The following ITPR3 variants were observed in gnomAD, a reference collection of about 807,000 sequenced individuals.
The protein encoded by ITPR3 is inositol 1,4,5-trisphosphate receptor type 3, also known as inositol 1,4,5-trisphosphate-gated calcium channel ITPR3.
In ITPR3, 173 loss-of-function variants were observed where a neutral mutation model predicts 293.2. The observed-to-expected ratio is 0.59, with a 90% CI of 0.52 to 0.67. The LOEUF is 0.67. Ranked by LOEUF, ITPR3 falls within the 30% of genes least tolerant of loss-of-function variation. ITPR3 has a pLI of 0.00. For synonymous variants in ITPR3, 1,295 were observed against 1,444.4 expected (o/e 0.90, Z 2.35); for missense variants, 2,796 against 3,592.1 (o/e 0.78, Z 5.66).
In ITPR3 at chr6:33,687,118, GGT is replaced by G. The variant is rs765947911; in HGVS notation, c.6075+16_6075+17del. 119 of 1,612,318 alleles carry G rather than the reference GGT, an allele frequency of 7.4e-5. No homozygotes were observed. The highest frequency in any genetic ancestry group is 9.5e-5 in the Non-Finnish European group (112 of 1,178,846). ...CCCCAGGAGCTGGTGAGGCTGGGCA[GGT>G]GGGCAGGCGGGCGGAACCAGGTGGA... is the stretch of plus-strand genomic sequence containing the variant. On this transcript the variant is annotated intron_variant, in intron 44 of 57. Transcript: ENST00000605930. This position sits in a 1 kb window ranked among gnomAD's most constrained non-coding sequence, Gnocchi z 5.3.
chr6:33,621,543 T>G lies in ITPR3; in HGVS notation c.-60T>G. On this transcript the variant is annotated 5_prime_UTR_variant, in exon 1 of 58. Transcript: ENST00000605930. This position sits in a 1 kb window ranked among gnomAD's most constrained non-coding sequence, Gnocchi z 7.7. ...CCCCGGACGCCTCAGTCCTCCGCAC[T>G]GAGCTTGGCCACGCGCCCCTAGGCG... 2 of 1,312,950 alleles carry G rather than the reference T, an allele frequency of 1.5e-6. No homozygotes were observed. Among genetic ancestry groups the G allele is most frequent in the Non-Finnish European group, 2.2e-6 (2 of 928,992 alleles). 81.3% of individuals were successfully genotyped at this position (1,312,950 alleles called of 1,614,324 possible).
chr6:33,644,389 C>T (rs1209406622), intron 2 of ITPR3, among the ~76,000 whole-genome samples: 1 of 151,292 alleles, frequency 6.6e-6, no homozygotes, highest in East Asian at 2.0e-4. Flanking sequence ...TTCCAAAGTG[C>T]TGGGATTACA....
rs896817197 is a variant in ITPR3 at position 33,691,990 on chromosome 6, G to A, written c.7458+62G>A. 8.1e-6 allele frequency: 13 copies of A among 1,605,592 alleles called. No individual in the cohort carries two copies. The African/African-American group carries it at 1.2e-4, about 15-fold the overall frequency. On this transcript the variant is annotated intron_variant, in intron 54 of 57. Transcript: ENST00000605930. The surrounding 1 kb of genome is among the most constrained non-coding windows in gnomAD (Gnocchi z 4.9). ...CAAGCCACTGTCCAGATCAGCAACT[G>A]TGGAGAGTCCTGTCCTTGGCCTCGC... is the stretch of plus-strand genomic sequence containing the variant.
In ITPR3 at chr6:33,655,921, C is replaced by G; in HGVS notation, c.282+34C>G. On this transcript the variant is annotated intron_variant, in intron 3 of 57. Coordinates refer to ENST00000605930, the MANE Select transcript of ITPR3 (RefSeq NM_002224.4). This position sits in a 1 kb window ranked among gnomAD's most constrained non-coding sequence, Gnocchi z 4.9. Reference sequence around the variant, plus strand: ...GTGTGTGCAGGCGTGCATCTGTGCACATGTACCAGGAACCTGGGTACACAA... The same window carrying G: ...GTGTGTGCAGGCGTGCATCTGTGCAGATGTACCAGGAACCTGGGTACACAA... 5.0e-6 allele frequency: 8 copies of G among 1,612,222 alleles called. No individual in the cohort carries two copies. Among genetic ancestry groups the G allele is most frequent in the Non-Finnish European group, 6.8e-6 (8 of 1,178,814 alleles).
chr6:33,680,651 C>A lies in ITPR3; in HGVS notation c.4447C>A (p.Pro1483Thr). The change falls in exon 33 of 58, where the codon CCA becomes ACA. Residue 1483 changes from proline to threonine, a missense_variant. By Grantham distance (38) the Pro-to-Thr change is conservative. This residue lies in a region of ITPR3 where 344 missense variants were observed against 460.3 expected (regional missense o/e 0.75). Coordinates refer to ENST00000605930, the MANE Select transcript of ITPR3 (RefSeq NM_002224.4). ...CACCATCAACGCCTTCTTCAGCTCC[C>A]CATTCTCTGAGAACAGCACTTCCCT... ...LDTINAFFSS[P>T]FSENSTSLQT... 1 of 1,614,066 alleles carries A rather than the reference C, an allele frequency of 6.2e-7. No homozygotes were observed. The highest frequency in any genetic ancestry group is 1.1e-5 in the South Asian group (1 of 91,076).
chr6:33,686,979 T>TGGCC, intron 43 of ITPR3, 30 bp from the exon 44 acceptor site: 1 of 1,565,664 alleles, frequency 6.4e-7, no homozygotes, highest in Non-Finnish European at 8.8e-7. Flanking sequence ...CCTGAGACTG[T>TGGCC]GGCCTGCCTC....
chr6:33,677,698 C>T, intron 28 of ITPR3, 69 bp downstream of exon 28: 2 of 1,565,570 alleles, frequency 1.3e-6, no homozygotes, highest in Non-Finnish European at 1.7e-6. Context: ...GACCTGTATG[C>T]TAGGCCCTAA....
intron 48 of ITPR3, 72 bp from the exon 49 acceptor site, chr6:33,688,584 G>A: frequency 1.3e-6 from 2 of 1,593,362 alleles, no homozygotes; most frequent in Non-Finnish European, 1.7e-6. Flanking sequence ...CTCCTGAGCG[G>A]GGCCCCACAT....
At chr6:33,646,603 C>T (rs978654053) in intron 2 of ITPR3, among the ~76,000 whole-genome samples, 1 of 151,728 alleles carries the variant, frequency 6.6e-6, no homozygotes, top group African/African-American at 2.4e-5. Context: ...CTCAAACTTC[C>T]TCTCTCTCTC....
At chr6:33,625,490 A>G (rs1013791806) in intron 1 of ITPR3, among the ~76,000 whole-genome samples, 1 of 152,130 alleles carries the variant, frequency 6.6e-6, no homozygotes, top group Admixed American at 6.5e-5. Flanking sequence ...CGGCCTCCCA[A>G]AGTGTTGGGA....
rs1397351887 is a variant in ITPR3 at position 33,655,588 on chromosome 6, A to G, written c.161-178A>G. 2.0e-5 allele frequency among the ~76,000 whole-genome samples: 3 copies of G among 152,124 alleles called. No homozygotes were observed. The highest frequency in any genetic ancestry group is 4.4e-5 in the Non-Finnish European group (3 of 68,020). On this transcript the variant is annotated intron_variant, in intron 2 of 57. Coordinates refer to ENST00000605930, the MANE Select transcript of ITPR3 (RefSeq NM_002224.4). The surrounding 1 kb of genome is among the most constrained non-coding windows in gnomAD (Gnocchi z 4.9). Reference sequence around the variant, plus strand: ...TCTGAGCCTCCCCATTCTACTCAGCATATTCCAGGATGCTCCAAATTCTGT... The same window carrying G: ...TCTGAGCCTCCCCATTCTACTCAGCGTATTCCAGGATGCTCCAAATTCTGT...
chr6:33,657,817 G>C, intron 3 of ITPR3, 115 bp from the exon 4 acceptor site: 3 of 442,976 alleles, frequency 6.8e-6, no homozygotes, highest in East Asian at 9.6e-5. Context: ...CAGGGTGACT[G>C]TGTGTGTGTG....
rs1582162580 is a variant in ITPR3, at chr6:33,686,880, G to A, written c.5980-129G>A. ...CTTCTCATTAAGCCGGGGGGAGGGA[G>A]GATGGGAAGGTCATGGCACCTGACC... On this transcript the variant is annotated intron_variant, in intron 43 of 57. Coordinates refer to ENST00000605930, the MANE Select transcript of ITPR3 (RefSeq NM_002224.4). 1.5e-5 allele frequency: 11 copies of A among 743,770 alleles called. No homozygotes were observed. In the East Asian group the frequency reaches 2.8e-4, roughly 19 times the overall value. 46.1% of individuals were successfully genotyped at this position (743,770 alleles called of 1,614,324 possible).
chr6:33,684,324 G>C lies in ITPR3; in HGVS notation c.4938-33G>C, dbSNP rs1209049174. On this transcript the variant is annotated intron_variant, in intron 36 of 57. Coordinates refer to ENST00000605930, the MANE Select transcript of ITPR3 (RefSeq NM_002224.4). This position sits in a 1 kb window ranked among gnomAD's most constrained non-coding sequence, Gnocchi z 4.2. ...AAGTAGCTGGAGGGAGGCAGTGTGG[G>C]GCTGCCCTGAGCTGCCTCCTTGGCC... 1.2e-6 allele frequency: 2 copies of C among 1,603,554 alleles called. No homozygotes were observed. Among genetic ancestry groups the C allele is most frequent in the Non-Finnish European group, 1.7e-6 (2 of 1,171,152 alleles).
Position 33,678,795 on chromosome 6 carries a change from G to A in ITPR3, c.3928G>A (p.Glu1310Lys), listed in dbSNP as rs766286619. ...CTTCCTGCACACCGTCATTAAGGCC[G>A]AGGGCAAGTACGTCAAGAAGTGCCA... is the stretch of plus-strand genomic sequence containing the variant. ...LDFLHTVIKAEGKYVKKCQDM... is the reference protein window; with the variant it reads ...LDFLHTVIKAKGKYVKKCQDM... The change falls in exon 30 of 58, where the codon GAG (glutamate) becomes AAG (lysine). Residue 1310 changes from glutamate to lysine, a missense_variant. Physicochemically the swap from Glu to Lys is moderately conservative, Grantham distance 56. Coordinates refer to ENST00000605930, the MANE Select transcript of ITPR3 (RefSeq NM_002224.4). The A allele has an allele frequency of 6.8e-6, 11 of 1,613,592 alleles. No homozygotes were observed. Among genetic ancestry groups the A allele is most frequent in the South Asian group, 1.1e-5 (1 of 90,896 alleles).
chr6:33,653,367 G>A (rs1241219491), intron 2 of ITPR3, among the ~76,000 whole-genome samples: 2 of 149,034 alleles, frequency 1.3e-5, no homozygotes, highest in Non-Finnish European at 3.0e-5. Flanking sequence ...CTCCTGCCTC[G>A]GCTTCCCATA....
intron 6 of ITPR3, 69 bp from the exon 7 acceptor site, chr6:33,659,397 T>C: frequency 7.2e-7 from 1 of 1,393,056 alleles, no homozygotes; most frequent in Non-Finnish European, 1.0e-6. Flanking sequence ...CTTCTTCCCT[T>C]CAGCCCTGCT....
chr6:33,668,314 C>G (rs1360207561), intron 16 of ITPR3, among the ~76,000 whole-genome samples: 1 of 152,224 alleles, frequency 6.6e-6, no homozygotes, highest in Non-Finnish European at 1.5e-5. Flanking sequence ...CCCCATCTAG[C>G]CTTCCCGGAC....
chr6:33,665,053 C>G lies in ITPR3; in HGVS notation c.1249C>G (p.Leu417Val). 1 of 1,613,734 alleles carries G rather than the reference C, an allele frequency of 6.2e-7. No homozygotes were observed. Among genetic ancestry groups the G allele is most frequent in the East Asian group, 2.2e-5 (1 of 44,876 alleles). Reference sequence around the variant, plus strand: ...GCCCTGCTGACCCCTGTCTCTGCAGCTGGGCACCTGCCCCACCAAGGAGGA... The same window carrying G: ...GCCCTGCTGACCCCTGTCTCTGCAGGTGGGCACCTGCCCCACCAAGGAGGA... ...IEEERPIRLM[L>V]GTCPTKEDKE... The change falls in exon 13 of 58, where the codon CTG becomes GTG. Residue 417 changes from leucine to valine, a missense_variant and splice_region_variant. Leu to Val is a conservative substitution (Grantham distance 32). This residue lies in a region of ITPR3 where 955 missense variants were observed against 1,180.8 expected (regional missense o/e 0.81). Coordinates refer to ENST00000605930, the MANE Select transcript of ITPR3 (RefSeq NM_002224.4).
Sources: gnomAD v4.1 joint callset for allele counts (sites outside exome capture counted in the v4.1 genomes callset) on GRCh38, gnomAD v4.1.1 for gene constraint, gnomAD v4.1.1 regional missense constraint, Gnocchi (gnomAD v3.1) non-coding constraint, MANE v1.5 for transcripts, NCBI Gene and HGNC (gene_info 2026-07-23, HGNC 2026-07-21) for gene names.